The following COL5A3 variants were observed in gnomAD, a reference collection of about 807,000 sequenced individuals.
COL5A3 encodes the protein collagen type V alpha 3 chain.
A neutral mutation model predicts 250.0 loss-of-function variants in COL5A3; 172 were observed. That is an observed-to-expected ratio of 0.69 (90% CI 0.61 to 0.78). The LOEUF is 0.78. Among genes scored for constraint, COL5A3 ranks in the 30% least tolerant of loss-of-function variants. The pLI is 0.00. For synonymous variants in COL5A3, 937 were observed against 900.4 expected, an observed-to-expected ratio of 1.04 and a Z score of -0.73; for missense variants, 2,340 against 2,334.4, an observed-to-expected ratio of 1.00 and a Z score of -0.05.
chr19:9,986,991 C>T (rs2287807), intron 27 of COL5A3, among the ~76,000 whole-genome samples: 68,033 of 151,912 alleles, frequency 0.45, 17,232 homozygotes, highest in African/African-American at 0.7. Context: ...TCCAAGTAAG[C>T]GATTCCCATC....
intron 65 of COL5A3, 102 bp from the exon 66 acceptor site, chr19:9,960,992 C>A: frequency 4.2e-6 from 6 of 1,430,486 alleles, no homozygotes; most frequent in South Asian, 3.8e-5. Flanking sequence ...AAGCCACCCC[C>A]CCCATGTCAC....
chr19:10,007,658 CT>C (rs1286235993), intron 1 of COL5A3, among the ~76,000 whole-genome samples: 1 of 152,238 alleles, frequency 6.6e-6, no homozygotes, highest in African/African-American at 2.4e-5. Flanking sequence ...GACCTCACCC[CT>C]GGGGGCGGCT....
rs142449519 is a variant in COL5A3 at position 9,979,999 on chromosome 19, G to T, written c.2653C>A (p.Pro885Thr). The T allele has an allele frequency of 1.3e-6, 2 of 1,586,312 alleles. No individual in the cohort carries two copies. Among genetic ancestry groups the T allele is most frequent in the East Asian group, 2.3e-5 (1 of 44,280 alleles). Residue 885 changes from proline (P) to threonine (T), a missense_variant, in exon 36 of 67, where the codon CCC becomes ACC. Around this residue, in one of 3 missense-constraint regions of COL5A3, gnomAD observed 1,179 missense variants for 1,162.6 expected, o/e 1.01. Coordinates refer to ENST00000264828, the MANE Select transcript of COL5A3 (RefSeq NM_015719.4). ...ATGAGGGTGACCTCACTCACAGGGGGGCCCTTTGGCCCAGGGAATCCTGGA... is the reference window on the plus strand; with the variant it reads ...ATGAGGGTGACCTCACTCACAGGGGTGCCCTTTGGCCCAGGGAATCCTGGA... ...GPPGFPGPKG[P>T]PGHQGKDGRP...
chr19:9,967,894 G>T lies in COL5A3; in HGVS notation c.4404+10C>A, dbSNP rs1173424672. The stretch of plus-strand genomic sequence containing the variant: ...GGATGTGTAAGCCCACGGAAGCAGG[G>T]TGTACTCACCGGAGACCCTTTTGAG... On this transcript the variant is annotated intron_variant, in intron 61 of 66. Transcript: ENST00000264828. 1.2e-6 allele frequency: 2 copies of T among 1,612,636 alleles called. No individual in the cohort carries two copies. Among genetic ancestry groups the T allele is most frequent in the Non-Finnish European group, 1.7e-6 (2 of 1,179,570 alleles).
Position 9,973,764 on chromosome 19 carries a change from C to A in COL5A3, c.3604G>T (p.Gly1202Cys), listed in dbSNP as rs1286936400. 3 of 1,613,902 alleles carry A rather than the reference C, an allele frequency of 1.9e-6. No homozygotes were observed. The highest frequency in any genetic ancestry group is 2.7e-5 in the African/African-American group (2 of 74,884). ...PGGVGQPGAV[G>C]EKGERGDAGD... ...TGCCTTCCCTCACTCACCTTCTCAC[C>A]CACGGCGCCTGGCTGACCAACTCCT... The change falls in exon 49 of 67, where the codon GGT becomes TGT. Residue 1202 changes from glycine (G) to cysteine (C), a missense_variant. Around this residue, in one of 3 missense-constraint regions of COL5A3, gnomAD observed 1,179 missense variants for 1,162.6 expected, o/e 1.01. Transcript: ENST00000264828.
chr19:9,972,258 C>T lies in COL5A3; in HGVS notation c.3774+661G>A, dbSNP rs151009659. Among the ~76,000 whole-genome samples the T allele has an allele frequency of 8.5e-5, 13 of 152,298 alleles. No homozygotes were observed. The East Asian group carries it at 2.5e-3, about 29-fold the overall frequency. On this transcript the variant is annotated intron_variant, in intron 51 of 66. Transcript: ENST00000264828. Reference sequence around the variant, plus strand: ...ATATCCACTGATTTATTCATTTTTCCATTAATTCACTCATTCACCCATTCA... The same window carrying T: ...ATATCCACTGATTTATTCATTTTTCTATTAATTCACTCATTCACCCATTCA...
intron 54 of COL5A3, 103 bp from the exon 55 acceptor site, chr19:9,970,025 A>C: frequency 1.6e-6 from 1 of 634,472 alleles, no homozygotes. Context: ...TGGGGTCTGT[A>C]AGGTGAGTGG....
intron 22 of COL5A3, 54 bp from the exon 23 acceptor site, chr19:9,991,895 G>C: frequency 6.3e-7 from 1 of 1,584,598 alleles, no homozygotes; most frequent in Non-Finnish European, 8.7e-7. Flanking sequence ...GTGTTGGGGC[G>C]TTAGTGAAAT....
chr19:10,010,398 C>G lies in COL5A3; in HGVS notation c.-13G>C. 1 of 1,420,216 alleles carries G rather than the reference C, an allele frequency of 7.0e-7. No homozygotes were observed. The highest frequency in any genetic ancestry group is 9.2e-7 in the Non-Finnish European group (1 of 1,081,294). 88.0% of individuals were successfully genotyped at this position (1,420,216 alleles called of 1,614,324 possible). Reference sequence around the variant, plus strand: ...GGCGGTTCCCCATCCCGGCGGGGCCCACGGGCAAGGCGGGGAACCAGTCGG... The same window carrying G: ...GGCGGTTCCCCATCCCGGCGGGGCCGACGGGCAAGGCGGGGAACCAGTCGG... On this transcript the variant is annotated 5_prime_UTR_variant, in exon 1 of 67. Transcript: ENST00000264828.
chr19:10,008,128 C>T (rs1036331868), intron 1 of COL5A3, among the ~76,000 whole-genome samples: 15 of 152,202 alleles, frequency 9.9e-5, no homozygotes, highest in East Asian at 1.9e-4. Context: ...CACTTCCCCA[C>T]GGAACAATCA....
rs1211752165 is a variant in COL5A3, at chr19:9,966,716, T to C, written c.4489A>G (p.Arg1497Gly). 1 of 1,536,240 alleles carries C rather than the reference T, an allele frequency of 6.5e-7. No individual in the cohort carries two copies. The highest frequency in any genetic ancestry group is 8.7e-7 in the Non-Finnish European group (1 of 1,146,968). Residue 1497 changes from arginine (R) to glycine (G), a missense_variant, in exon 63 of 67, where the codon AGG becomes GGG. This residue lies in a region of COL5A3 where 1,179 missense variants were observed against 1,162.6 expected (regional missense o/e 1.01). Transcript: ENST00000264828. Reference sequence around the variant, plus strand: ...GGGACTGGGACGAAGCGCCGGCGCCTGCGCAGCCCATGCAGCTCGGCAGGG... The same window carrying C: ...GGGACTGGGACGAAGCGCCGGCGCCCGCGCAGCCCATGCAGCTCGGCAGGG... ...GAPAELHGLR[R>G]RRRFVPVPLP... is the part of the protein sequence containing the mutation.
chr19:9,979,165 A>G lies in COL5A3; in HGVS notation c.2841T>C (p.Gly947=). The change falls in exon 39 of 67, where the codon GGT becomes GGC. Residue 947 remains glycine (G), a synonymous_variant. Coordinates refer to ENST00000264828, the MANE Select transcript of COL5A3 (RefSeq NM_015719.4). ...CCTCTCTGCCTTCCAGGCCAGGAAGACCTTGTTCACCAGGAGGTCCAGGGG... is the reference window on the plus strand; with the variant it reads ...CCTCTCTGCCTTCCAGGCCAGGAAGGCCTTGTTCACCAGGAGGTCCAGGGG... ...PGPPGPPGEQ[G]LPGLEGREGA... 6.3e-7 allele frequency: 1 copy of G among 1,599,776 alleles called. No homozygotes were observed. The highest frequency in any genetic ancestry group is 8.5e-7 in the Non-Finnish European group (1 of 1,176,088).
chr19:9,996,547 C>T, intron 12 of COL5A3, 31 bp from the exon 13 acceptor site: 2 of 1,613,446 alleles, frequency 1.2e-6, no homozygotes, highest in Non-Finnish European at 1.7e-6. Flanking sequence ...AGGGAAGCCC[C>T]CAGGAGAGGC....
chr19:9,967,429 A>G, intron 61 of COL5A3, 29 bp from the exon 62 acceptor site: 1 of 1,491,110 alleles, frequency 6.7e-7, no homozygotes, highest in South Asian at 1.4e-5. Flanking sequence ...TGGAGAATGA[A>G]CCCTGTCTAT....
At position 9,998,468 on chromosome 19, in the gene COL5A3, C is replaced by T. The variant is rs537915061; in HGVS notation, c.1111-319G>A. 2.0e-5 allele frequency among the ~76,000 whole-genome samples: 3 copies of T among 152,314 alleles called. No individual in the cohort carries two copies. The East Asian group carries it at 5.8e-4, about 29-fold the overall frequency. ...CTTAGTCAACCCCTATGGCCACTTA[C>T]AGGTAACCGGTCAACCTGTAAAGTC... On this transcript the variant is annotated intron_variant, in intron 8 of 66. Transcript: ENST00000264828.
In COL5A3 at chr19:9,979,275, G is replaced by A. The variant is rs757866072; in HGVS notation, c.2767-36C>T. ...AGAAGGCTCCTGTTGAGTGGGGGTG[G>A]CCTAGGGGAGTCGCTCAGGAGTCCA... On this transcript the variant is annotated intron_variant, in intron 38 of 66. Coordinates refer to ENST00000264828, the MANE Select transcript of COL5A3 (RefSeq NM_015719.4). 9 of 1,599,310 alleles carry A rather than the reference G, an allele frequency of 5.6e-6. No homozygotes were observed. In the South Asian group the frequency reaches 8.8e-5, roughly 16 times the overall value.
chr19:9,973,732 CA>C lies in COL5A3; in HGVS notation c.3612+23del, dbSNP rs564842817. 1.4e-4 allele frequency: 218 copies of C among 1,613,916 alleles called. 1 individual carries two copies. The African/African-American group carries it at 2.0e-3, about 15-fold the overall frequency. On this transcript the variant is annotated intron_variant, in intron 49 of 66. Transcript: ENST00000264828. ...ACTAGATTTATCTCTTCCCCCCGTGCAGCCCCTGCCTTCCCTCACTCACCTT... is the reference window on the plus strand; with the variant it reads ...ACTAGATTTATCTCTTCCCCCCGTGCGCCCCTGCCTTCCCTCACTCACCTT...
At chr19:9,980,132 G>T in intron 35 of COL5A3, 85 bp from the exon 36 acceptor site, 1 of 1,322,740 alleles carries the variant, frequency 7.6e-7, no homozygotes, top group Non-Finnish European at 1.0e-6. Context: ...ACAGGATCGA[G>T]CACATATTGA....
chr19:9,964,416 A>G (rs559595597), intron 64 of COL5A3, among the ~76,000 whole-genome samples: 1 of 152,270 alleles, frequency 6.6e-6, no homozygotes, highest in East Asian at 1.9e-4. Flanking sequence ...CCTGGGCAAC[A>G]TAGTGAGACC....
Sources: allele counts gnomAD v4.1 joint callset (sites outside exome capture counted in the v4.1 genomes callset), GRCh38; gene constraint gnomAD v4.1.1; regional missense constraint gnomAD v4.1.1; transcripts MANE v1.5; gene names NCBI Gene and HGNC (gene_info 2026-07-23, HGNC 2026-07-21).